Variants in USP25 observed in about 807,000 individuals in gnomAD.
USP25 encodes ubiquitin specific peptidase 25, also known as ubiquitin carboxyl-terminal hydrolase 25.
In USP25, 85 loss-of-function variants were observed where a neutral mutation model predicts 158.5. The ratio of observed to expected loss-of-function variants is 0.54; its 90% confidence interval spans 0.45 to 0.64. USP25 has a LOEUF of 0.64. USP25 is among the 30% of genes least tolerant of loss of function. The pLI is 0.00. For missense variants in USP25, 1,242 were observed against 1,327.3 expected (o/e 0.94, Z 1.00); for synonymous variants, 464 against 460.4 (o/e 1.01, Z -0.10).
chr21:15,815,211 C>T (rs192691725), intron 9 of USP25, among the ~76,000 whole-genome samples: 39 of 152,260 alleles, frequency 2.6e-4, no homozygotes, highest in Non-Finnish European at 5.1e-4. Context: ...GCACCTCCAC[C>T]TAGATTTCAG....
intron 10 of USP25, among the ~76,000 whole-genome samples, chr21:15,820,996 A>G (rs1393162841): frequency 1.3e-5 from 2 of 152,018 alleles, no homozygotes; most frequent in Non-Finnish European, 2.9e-5. Context: ...TTTAAATGAT[A>G]CATTTTAACT....
intron 6 of USP25, among the ~76,000 whole-genome samples, chr21:15,800,794 G>A (rs1333617655): frequency 1.3e-5 from 2 of 151,394 alleles, no homozygotes; most frequent in Admixed American, 1.3e-4. Flanking sequence ...TCGTTTTAGC[G>A]TTTAATTTTT....
At chr21:15,734,626 A>G (rs2031303822) in intron 1 of USP25, among the ~76,000 whole-genome samples, 1 of 151,950 alleles carries the variant, frequency 6.6e-6, no homozygotes, top group South Asian at 2.1e-4. Flanking sequence ...TCCTTTACAA[A>G]TACTTAATAT....
At chr21:15,877,681 G>T in intron 24 of USP25, 115 bp from the exon 25 acceptor site, 1 of 761,650 alleles carries the variant, frequency 1.3e-6, no homozygotes. Context: ...AATACCGTTT[G>T]TTCTAATACT....
chr21:15,821,392 A>T (rs11909481), intron 10 of USP25, among the ~76,000 whole-genome samples: 10,976 of 152,020 alleles, frequency 0.072, 1,304 homozygotes, highest in African/African-American at 0.25. Flanking sequence ...ATGTCTTTGT[A>T]TAAATACCCT....
intron 1 of USP25, among the ~76,000 whole-genome samples, chr21:15,747,720 G>C (rs1294064156): frequency 6.6e-6 from 1 of 152,156 alleles, no homozygotes; most frequent in Non-Finnish European, 1.5e-5. Context: ...GATTCATGTT[G>C]TGGGTGGCAT....
At chr21:15,734,434 T>C (rs2123155492) in intron 1 of USP25, among the ~76,000 whole-genome samples, 1 of 152,344 alleles carries the variant, frequency 6.6e-6, no homozygotes. Context: ...ATCTTATTAT[T>C]AGTATAAGAC....
At chr21:15,842,995 T>A (rs1259189045) in intron 18 of USP25, among the ~76,000 whole-genome samples, 2 of 152,134 alleles carry the variant, frequency 1.3e-5, no homozygotes, top group Non-Finnish European at 2.9e-5. Context: ...TTAAAACTAC[T>A]AGATACTGTA....
chr21:15,730,513 C>T (rs2030698708), intron 1 of USP25, 75 bp downstream of exon 1: 11 of 1,283,840 alleles, frequency 8.6e-6, no homozygotes, highest in Non-Finnish European at 1.1e-5. Flanking sequence ...CGGCCGGGCG[C>T]CCCGGCCTCG....
At position 15,847,659 on chromosome 21, in the gene USP25, G is replaced by T. The variant is rs1161487898; in HGVS notation, c.2338-4G>T. On this transcript the variant is annotated splice_region_variant and splice_polypyrimidine_tract_variant and intron_variant, in intron 18 of 25. Transcript: ENST00000400183. ...ATGTTTATATTAATGATTTCCTTCT[G>T]CAGAAACCTGAAAATACTACAAGCC... 3.2e-6 allele frequency: 5 copies of T among 1,543,698 alleles called. No individual in the cohort carries two copies. In the Admixed American group the frequency reaches 5.9e-5, roughly 18 times the overall value.
chr21:15,780,413 A>C (rs1370552116), intron 4 of USP25, among the ~76,000 whole-genome samples: 1 of 152,226 alleles, frequency 6.6e-6, no homozygotes, highest in Non-Finnish European at 1.5e-5. Context: ...GCCAGGACAC[A>C]AGTGGAGTAT....
intron 17 of USP25, 37 bp downstream of exon 17, chr21:15,833,585 ATAT>A (rs2037916219): frequency 6.5e-7 from 1 of 1,549,572 alleles, no homozygotes; most frequent in Admixed American, 1.8e-5. Context: ...TTGATTATCA[ATAT>A]TATTTTTATA....
intron 1 of USP25, among the ~76,000 whole-genome samples, chr21:15,756,931 A>G (rs1264021622): frequency 3.3e-5 from 5 of 152,198 alleles, no homozygotes; most frequent in East Asian, 3.8e-4. Context: ...AGCTCTAGAT[A>G]TGGAAGTGGA....
At chr21:15,818,272 A>T (rs1448662398) in intron 9 of USP25, among the ~76,000 whole-genome samples, 1 of 152,134 alleles carries the variant, frequency 6.6e-6, no homozygotes, top group Non-Finnish European at 1.5e-5. Context: ...TTTTTATAAC[A>T]ATTGTAATAT....
At chr21:15,867,939 T>G (rs1263686094) in intron 22 of USP25, among the ~76,000 whole-genome samples, 1 of 152,128 alleles carries the variant, frequency 6.6e-6, no homozygotes, top group Admixed American at 6.5e-5. Context: ...CCCCAAATGC[T>G]TTATAAATTC....
intron 17 of USP25, among the ~76,000 whole-genome samples, chr21:15,836,784 C>G (rs910708392): frequency 2.1e-5 from 3 of 141,802 alleles, no homozygotes; most frequent in Admixed American, 7.0e-5. Context: ...GGGGAGCAAA[C>G]TTACCTGAAT....
chr21:15,738,267 T>G (rs2123190664), intron 1 of USP25, among the ~76,000 whole-genome samples: 1 of 152,218 alleles, frequency 6.6e-6, no homozygotes, highest in East Asian at 1.9e-4. Context: ...TTTGTTCCTT[T>G]TTTTCAGAAG....
chr21:15,752,743 G>A (rs2033115474), intron 1 of USP25, among the ~76,000 whole-genome samples: 1 of 152,164 alleles, frequency 6.6e-6, no homozygotes, highest in South Asian at 2.1e-4. Flanking sequence ...ATAAAAAGTA[G>A]GAAGAGACTT....
chr21:15,731,701 A>T (rs1387562698), intron 1 of USP25, among the ~76,000 whole-genome samples: 1 of 152,234 alleles, frequency 6.6e-6, no homozygotes, highest in African/African-American at 2.4e-5. Flanking sequence ...GTAAAGTTAG[A>T]AGGATATTGC....
Sources: gnomAD v4.1 joint callset for allele counts (sites outside exome capture counted in the v4.1 genomes callset) on GRCh38, gnomAD v4.1.1 for gene constraint, MANE v1.5 for transcripts, NCBI Gene and HGNC (gene_info 2026-07-23, HGNC 2026-07-21) for gene names.